The following SIM2 variants were observed in gnomAD, a reference collection of about 807,000 sequenced individuals.
SIM2 encodes the protein SIM bHLH transcription factor 2, also known as single-minded homolog 2.
A neutral mutation model predicts 64.8 loss-of-function variants in SIM2; 28 were observed. That is an observed-to-expected ratio of 0.43 (90% CI 0.32 to 0.59). The LOEUF (loss-of-function observed/expected upper bound fraction) is 0.59, where lower values mean the gene tolerates loss of function less well. Among genes scored for constraint, SIM2 ranks in the 20% least tolerant of loss-of-function variants. The pLI, the probability that SIM2 is intolerant of heterozygous loss-of-function variation, is 0.07. For missense variants in SIM2, 847 were observed against 871.4 expected (o/e 0.97, Z 0.35); for synonymous variants, 408 against 391.1 (o/e 1.04, Z -0.51).
At position 36,737,961 on chromosome 21, in the gene SIM2, C is replaced by CAA. The variant is rs61252184; in HGVS notation, c.851-3736_851-3735dup. On this transcript the variant is annotated intron_variant, in intron 7 of 10. Transcript: ENST00000290399. ...TGGGCAAAAGAGCAAGACCCTGTCT[C>CAA]AAAAAAAAAAAAAAAAAAAAAGCAA... Among the ~76,000 whole-genome samples, 76 of 33,996 alleles carry CAA rather than the reference C, an allele frequency of 2.2e-3. 2 individuals are homozygous for CAA. Among genetic ancestry groups the CAA allele is most frequent in the South Asian group, 0.011 (5 of 476 alleles). 22.3% of individuals were successfully genotyped at this position (33,996 alleles called of 152,430 possible). A position where few individuals can be genotyped will look rare whatever the true frequency, so the allele number is the denominator to read the frequency against.
intron 4 of SIM2, among the ~76,000 whole-genome samples, chr21:36,722,610 A>G (rs1361527383): frequency 6.6e-6 from 1 of 151,566 alleles, no homozygotes; most frequent in Non-Finnish European, 1.5e-5. Flanking sequence ...AGAGCCCTGG[A>G]GAGACAGAGA....
intron 7 of SIM2, among the ~76,000 whole-genome samples, chr21:36,733,763 G>A (rs971088224): frequency 3.3e-5 from 5 of 151,872 alleles, no homozygotes; most frequent in South Asian, 4.2e-4. Context: ...GGGTTTCACC[G>A]TGTTAGCCAG....
chr21:36,722,430 G>A (rs1033487555), intron 4 of SIM2, among the ~76,000 whole-genome samples: 1 of 152,196 alleles, frequency 6.6e-6, no homozygotes, highest in Non-Finnish European at 1.5e-5. Flanking sequence ...ATTTAGAGTG[G>A]AGTGACCTCG....
At chr21:36,734,365 G>A (rs78987641) in intron 7 of SIM2, among the ~76,000 whole-genome samples, 1,555 of 152,314 alleles carry the variant, frequency 0.01, 25 homozygotes, top group African/African-American at 0.036. Context: ...AAAGGTAGGC[G>A]TGTTTAGAAA....
At chr21:36,741,983 T>C in intron 8 of SIM2, 119 bp downstream of exon 8, 1 of 1,097,822 alleles carries the variant, frequency 9.1e-7, no homozygotes, top group Non-Finnish European at 1.2e-6. Context: ...TTGTCTTCTG[T>C]TTTTTTTCTT....
rs1601693661 is a variant in SIM2 at position 36,717,673 on chromosome 21, C to T, written c.349-2148C>T. 2.6e-5 allele frequency among the ~76,000 whole-genome samples: 4 copies of T among 152,064 alleles called. No individual in the cohort carries two copies. The South Asian group carries it at 6.2e-4, about 24-fold the overall frequency. ...CGTTGGCCAGGCTGGTCTTGAACTC[C>T]TGACCTCAGGTGATCCGCCTGCCTC... On this transcript the variant is annotated intron_variant, in intron 3 of 10. Transcript: ENST00000290399.
rs768931551 is a variant in SIM2 at position 36,706,552 on chromosome 21, G to A, written c.176-2616G>A. On this transcript the variant is annotated intron_variant, in intron 1 of 10. Transcript: ENST00000290399. ...TTCCTTAGGTCCAGATGAGGACCAC[G>A]TGCTCAGTGCCTCACTTTCGTGGGA... Among the ~76,000 whole-genome samples the A allele has an allele frequency of 6.6e-4, 100 of 152,240 alleles. 1 individual carries two copies. The highest frequency in any genetic ancestry group is 1.8e-3 in the Admixed American group (28 of 15,292).
At chr21:36,723,491 G>C (rs2123458743) in intron 5 of SIM2, among the ~76,000 whole-genome samples, 1 of 152,326 alleles carries the variant, frequency 6.6e-6, no homozygotes, top group East Asian at 1.9e-4. Flanking sequence ...CCAGAGCACG[G>C]ACACTGCCCT....
intron 7 of SIM2, 75 bp downstream of exon 7, chr21:36,731,226 G>C: frequency 9.4e-7 from 1 of 1,058,740 alleles, no homozygotes; most frequent in Non-Finnish European, 1.4e-6. Flanking sequence ...GCCGGGGGAC[G>C]TGTCCCTTTT....
intron 2 of SIM2, chr21:36,709,520 G>A (rs1458541001): frequency 1.6e-6 from 1 of 621,540 alleles, no homozygotes; most frequent in Non-Finnish European, 3.0e-6. Flanking sequence ...TACGCCAGGG[G>A]CGCCTCCCGA....
intron 7 of SIM2, among the ~76,000 whole-genome samples, chr21:36,732,623 T>G (rs993925921): frequency 6.6e-6 from 1 of 152,160 alleles, no homozygotes; most frequent in South Asian, 2.1e-4. Context: ...CCTTGACTCA[T>G]GTGGAGACTT....
At chr21:36,707,717 G>T (rs1373938233) in intron 1 of SIM2, among the ~76,000 whole-genome samples, 1 of 152,088 alleles carries the variant, frequency 6.6e-6, no homozygotes, top group Admixed American at 6.5e-5. Flanking sequence ...GATGCCCAGG[G>T]CGTTCCCGGG....
chr21:36,736,824 C>G (rs1156466841), intron 7 of SIM2, among the ~76,000 whole-genome samples: 2 of 147,006 alleles, frequency 1.4e-5, no homozygotes, highest in Non-Finnish European at 3.0e-5. Flanking sequence ...CCCTCCCTCC[C>G]TTTCTTCTTT....
In SIM2 at chr21:36,740,059, G is replaced by GAA. The variant is rs1181460821; in HGVS notation, c.851-1657_851-1656insAA. Among the ~76,000 whole-genome samples the GAA allele has an allele frequency of 9.4e-3, 1,275 of 136,320 alleles. 25 individuals are homozygous for GAA. Among genetic ancestry groups the GAA allele is most frequent in the African/African-American group, 0.032 (1,193 of 37,114 alleles). The allele number at this position is 136,320 out of a possible 152,430, so 89.4% of individuals were successfully genotyped here. A position where few individuals can be genotyped will look rare whatever the true frequency, so the allele number is the denominator to read the frequency against. On this transcript the variant is annotated intron_variant, in intron 7 of 10. Transcript: ENST00000290399. ...AGAAAGAAAGAAAGAAAGAAAGAAAGAGAAAATGCCACTCACCATAGATTA... is the reference window on the plus strand; with the variant it reads ...AGAAAGAAAGAAAGAAAGAAAGAAAGAAAGAAAATGCCACTCACCATAGATTA...
chr21:36,732,634 G>A (rs1048657029), intron 7 of SIM2, among the ~76,000 whole-genome samples: 1 of 150,462 alleles, frequency 6.6e-6, no homozygotes, highest in Non-Finnish European at 1.5e-5. Flanking sequence ...GTGGAGACTT[G>A]GAGGTGTGAA....
intron 3 of SIM2, among the ~76,000 whole-genome samples, chr21:36,715,054 T>A (rs1223566619): frequency 6.6e-6 from 1 of 152,214 alleles, no homozygotes; most frequent in Non-Finnish European, 1.5e-5. Context: ...AAAAGATAAG[T>A]CAAACTGATC....
intron 8 of SIM2, among the ~76,000 whole-genome samples, chr21:36,742,418 T>C (rs548158023): frequency 6.8e-6 from 1 of 147,894 alleles, no homozygotes; most frequent in Non-Finnish European, 1.5e-5. Flanking sequence ...TTTTGTAAAT[T>C]AAAAAAAAAT....
chr21:36,720,810 G>A lies in SIM2; in HGVS notation c.457+881G>A, dbSNP rs530953494. On this transcript the variant is annotated intron_variant, in intron 4 of 10. Coordinates refer to ENST00000290399, the MANE Select transcript of SIM2 (RefSeq NM_005069.6). Reference sequence around the variant, plus strand: ...AGATACAGAAGGACTTATTCCAGGGGCCCTGGCCTTTTAACTCCCTCCAAC... The same window carrying A: ...AGATACAGAAGGACTTATTCCAGGGACCCTGGCCTTTTAACTCCCTCCAAC... Among the ~76,000 whole-genome samples, 3 of 152,316 alleles carry A rather than the reference G, an allele frequency of 2.0e-5. No individual in the cohort carries two copies. The East Asian group carries it at 5.8e-4, about 29-fold the overall frequency.
At chr21:36,714,971 A>G (rs1386613873) in intron 3 of SIM2, among the ~76,000 whole-genome samples, 19 of 152,216 alleles carry the variant, frequency 1.2e-4, no homozygotes, top group Non-Finnish European at 7.3e-5. Context: ...GGGGTTAGGC[A>G]CTACCATTTT....
Sources: allele counts gnomAD v4.1 joint callset (sites outside exome capture counted in the v4.1 genomes callset), GRCh38; gene constraint gnomAD v4.1.1; transcripts MANE v1.5; gene names NCBI Gene and HGNC (gene_info 2026-07-23, HGNC 2026-07-21).